The following GALNTL6 variants were observed in gnomAD, a reference collection of about 807,000 sequenced individuals.
The protein encoded by GALNTL6 is polypeptide N-acetylgalactosaminyltransferase like 6.
A neutral mutation model predicts 73.7 loss-of-function variants in GALNTL6; 46 were observed. The observed-to-expected ratio is 0.62, with a 90% confidence interval of 0.49 to 0.80. The LOEUF (loss-of-function observed/expected upper bound fraction) is 0.80, where lower values mean the gene tolerates loss of function less well. Among genes scored for constraint, GALNTL6 ranks in the 30% least tolerant of loss-of-function variants. The probability of loss-of-function intolerance (pLI) is 0.00; values close to 1 mark genes in which losing one functional copy is unlikely to be tolerated. For missense variants in GALNTL6, 604 were observed against 755.0 expected, an observed-to-expected ratio of 0.80 and a Z score of 2.34; for synonymous variants, 259 against 263.7, an observed-to-expected ratio of 0.98 and a Z score of 0.17.
intron 4 of GALNTL6, among the ~76,000 whole-genome samples, chr4:172,348,017 A>G (rs1022869614): frequency 1.3e-5 from 2 of 152,088 alleles, no homozygotes; most frequent in Non-Finnish European, 2.9e-5. Context: ...TTGAATTTTA[A>G]TTTATTCTGT....
At chr4:172,892,605 CT>C (rs57815105) in intron 8 of GALNTL6, among the ~76,000 whole-genome samples, 15,543 of 137,630 alleles carry the variant, frequency 0.11, 1,101 homozygotes, top group African/African-American at 0.21. Flanking sequence ...ATTTTTAATT[CT>C]TTTTTTTTTT....
chr4:171,892,529 A>G (rs780910550), intron 2 of GALNTL6, among the ~76,000 whole-genome samples: 15 of 152,182 alleles, frequency 9.9e-5, no homozygotes, highest in Non-Finnish European at 2.1e-4. Flanking sequence ...CCTCTTCATA[A>G]TGATAGTAAC....
intron 5 of GALNTL6, among the ~76,000 whole-genome samples, chr4:172,535,027 A>G (rs1331817206): frequency 6.6e-6 from 1 of 152,218 alleles, no homozygotes; most frequent in East Asian, 1.9e-4. Context: ...AAAGTTTTAG[A>G]AGACAAGAGC....
intron 2 of GALNTL6, among the ~76,000 whole-genome samples, chr4:172,049,579 C>T (rs1505493): frequency 0.97 from 148,322 of 152,296 alleles, 72,342 homozygotes; most frequent in Middle Eastern, 1. Context: ...TACAATATCA[C>T]GGGTGGAAAG....
chr4:172,157,371 C>T (rs1164873788), intron 2 of GALNTL6, among the ~76,000 whole-genome samples: 1 of 152,112 alleles, frequency 6.6e-6, no homozygotes, highest in African/African-American at 2.4e-5. Flanking sequence ...TGAGTCCTAC[C>T]TCTTTCTAAT....
In GALNTL6 at chr4:172,349,827, A is replaced by AT. The variant is rs1561039784; in HGVS notation, c.553+1138_553+1139insT. ...AGCGAGACTTCGTCTCAAATTAAAA[A>AT]AAAATATATATATATATATTTTTTT... On this transcript the variant is annotated intron_variant, in intron 5 of 12. Transcript: ENST00000506823. Among the ~76,000 whole-genome samples, 88 of 51,110 alleles carry AT rather than the reference A, an allele frequency of 1.7e-3. 1 individual carries two copies. The highest frequency in any genetic ancestry group is 3.8e-3 in the African/African-American group (70 of 18,640). The allele number at this position is 51,110 out of a possible 152,430, so 33.5% of individuals were successfully genotyped here.
At chr4:171,904,034 A>T (rs962355993) in intron 2 of GALNTL6, among the ~76,000 whole-genome samples, 19 of 152,218 alleles carry the variant, frequency 1.2e-4, no homozygotes, top group African/African-American at 4.6e-4. Flanking sequence ...TAAAACCACA[A>T]AGATGGGGAA....
At chr4:172,623,802 G>A (rs913847732) in intron 5 of GALNTL6, among the ~76,000 whole-genome samples, 17 of 152,032 alleles carry the variant, frequency 1.1e-4, no homozygotes, top group African/African-American at 4.1e-4. Context: ...TGGTCTGGAA[G>A]GCAATTTTTT....
intron 2 of GALNTL6, among the ~76,000 whole-genome samples, chr4:171,956,011 T>TGGG (rs200800766): frequency 1.3e-5 from 2 of 151,476 alleles, no homozygotes; most frequent in Non-Finnish European, 2.9e-5. Context: ...TGTGTGTGTG[T>TGGG]GTGGGACAGG....
intron 8 of GALNTL6, among the ~76,000 whole-genome samples, chr4:172,910,148 G>A (rs146506602): frequency 2.0e-4 from 31 of 151,988 alleles, no homozygotes; most frequent in African/African-American, 7.2e-4. Context: ...AATTAAAATA[G>A]TTTCATATGC....
chr4:172,893,778 C>CA (rs1303580261), intron 8 of GALNTL6, among the ~76,000 whole-genome samples: 5 of 152,306 alleles, frequency 3.3e-5, no homozygotes, highest in Non-Finnish European at 5.9e-5. Context: ...GTGTGCACGG[C>CA]AAAACCTTCT....
chr4:172,623,305 A>G (rs1739035846), intron 5 of GALNTL6, among the ~76,000 whole-genome samples: 1 of 152,198 alleles, frequency 6.6e-6, no homozygotes, highest in Non-Finnish European at 1.5e-5. Context: ...TTCTTAACAA[A>G]TCTTATAGAA....
chr4:173,025,223 G>T (rs1349595063), intron 12 of GALNTL6, among the ~76,000 whole-genome samples: 1 of 152,210 alleles, frequency 6.6e-6, no homozygotes, highest in Non-Finnish European at 1.5e-5. Flanking sequence ...CAGGCACCCA[G>T]GAAGAGGAAT....
intron 2 of GALNTL6, among the ~76,000 whole-genome samples, chr4:172,209,443 CAA>C (rs35780511): frequency 0.54 from 73,481 of 135,114 alleles, 19,772 homozygotes; most frequent in East Asian, 0.85. Flanking sequence ...GGTCTCTGGT[CAA>C]AAAAAAAAAA....
chr4:171,837,043 G>T (rs548271677), intron 2 of GALNTL6, among the ~76,000 whole-genome samples: 7 of 152,224 alleles, frequency 4.6e-5, no homozygotes, highest in Admixed American at 1.3e-4. Flanking sequence ...ATTTTACAAG[G>T]AGGAATATTG....
chr4:172,408,422 G>A (rs958732557), intron 5 of GALNTL6, among the ~76,000 whole-genome samples: 1 of 151,822 alleles, frequency 6.6e-6, no homozygotes, highest in African/African-American at 2.4e-5. Flanking sequence ...ACCTATATTA[G>A]CATATAAGCA....
chr4:172,280,388 T>C (rs1224004893), intron 3 of GALNTL6, among the ~76,000 whole-genome samples: 1 of 152,120 alleles, frequency 6.6e-6, no homozygotes, highest in African/African-American at 2.4e-5. Flanking sequence ...ACTGTAGACA[T>C]AGGACTCTTT....
intron 7 of GALNTL6, among the ~76,000 whole-genome samples, chr4:172,829,008 G>A (rs1178303602): frequency 6.6e-6 from 1 of 152,220 alleles, no homozygotes; most frequent in Admixed American, 6.5e-5. Context: ...TCTGTTCCAA[G>A]CCTCTCTTAG....
Position 172,068,364 on chromosome 4 carries a change from A to G in GALNTL6, c.139-161292A>G, listed in dbSNP as rs150988848. 5.4e-5 allele frequency among the ~76,000 whole-genome samples: 6 copies of G among 110,266 alleles called. 2 individuals carry two copies. The East Asian group carries it at 1.3e-3, about 23-fold the overall frequency. 72.3% of individuals were successfully genotyped at this position (110,266 alleles called of 152,430 possible). A position where few individuals can be genotyped will look rare whatever the true frequency, so the allele number is the denominator to read the frequency against. The stretch of plus-strand genomic sequence containing the variant: ...AGTCTCAGAATGAAATCTAGGCACC[A>G]TGCTTGCTGCATGATCTGCTTTCTG... On this transcript the variant is annotated intron_variant, in intron 2 of 12. Coordinates refer to ENST00000506823, the MANE Select transcript of GALNTL6 (RefSeq NM_001034845.3).
Sources: allele counts gnomAD v4.1 joint callset (sites outside exome capture counted in the v4.1 genomes callset), GRCh38; gene constraint gnomAD v4.1.1; transcripts MANE v1.5; gene names NCBI Gene and HGNC (gene_info 2026-07-23, HGNC 2026-07-21).